Variants in PTCHD4 observed in about 807,000 individuals in gnomAD.
The protein encoded by PTCHD4 is patched domain containing 4.
In PTCHD4, 33 loss-of-function variants were observed where a neutral mutation model predicts 58.1. That is an observed-to-expected ratio of 0.57 (90% CI 0.43 to 0.76). The LOEUF (loss-of-function observed/expected upper bound fraction) is 0.76, where lower values mean the gene tolerates loss of function less well. Ranked by LOEUF, PTCHD4 falls within the 30% of genes least tolerant of loss-of-function variation. The pLI is 0.00. For missense variants in PTCHD4, 1,058 were observed against 1,027.1 expected (o/e 1.03, Z -0.41); for synonymous variants, 478 against 409.6 (o/e 1.17, Z -2.02).
chr6:48,067,615 A>C (rs1156955998), intron 3 of PTCHD4, among the ~76,000 whole-genome samples: 1 of 152,166 alleles, frequency 6.6e-6, no homozygotes, highest in Non-Finnish European at 1.5e-5. Context: ...CCACATGTTA[A>C]CAATCAAGCC....
At chr6:47,993,483 T>C (rs1768356042) in intron 4 of PTCHD4, among the ~76,000 whole-genome samples, 2 of 152,146 alleles carry the variant, frequency 1.3e-5, no homozygotes, top group South Asian at 2.1e-4. Flanking sequence ...GCCTGGCCTC[T>C]GAAAGGAGAT....
intron 4 of PTCHD4, among the ~76,000 whole-genome samples, chr6:47,937,708 G>A (rs1766054706): frequency 6.6e-6 from 1 of 152,154 alleles, no homozygotes; most frequent in Admixed American, 6.5e-5. Context: ...CCACTGCAGA[G>A]ATGAATGGAT....
In PTCHD4 at chr6:48,068,692, C is replaced by T. The variant is rs1455253023; in HGVS notation, c.6-51G>A. 5.4e-6 allele frequency: 8 copies of T among 1,484,266 alleles called. No homozygotes were observed. Among genetic ancestry groups the T allele is most frequent in the Middle Eastern group, 2.4e-4 (1 of 4,110 alleles). The allele number at this position is 1,484,266 out of a possible 1,614,324, so 91.9% of individuals were successfully genotyped here. A position where few individuals can be genotyped will look rare whatever the true frequency, so the allele number is the denominator to read the frequency against. On this transcript the variant is annotated intron_variant, in intron 2 of 4. Transcript: ENST00000339488. The surrounding 1 kb of genome is among the most constrained non-coding windows in gnomAD (Gnocchi z 4.2). ...AAGCGCCGGGCTACCCCGTTCTCCC[C>T]CATCCCACCCCCTGGGGCCAGTCCC...
chr6:47,921,958 AAAG>A (rs1242367103), intron 4 of PTCHD4, among the ~76,000 whole-genome samples: 117 of 113,780 alleles, frequency 1.0e-3, no homozygotes, highest in African/African-American at 2.7e-3. Flanking sequence ...AAAAAAAAAA[AAAG>A]AAAAGAAAAG....
At chr6:48,070,974 AT>A (rs1323811452) in intron 1 of PTCHD4, among the ~76,000 whole-genome samples, 1 of 152,212 alleles carries the variant, frequency 6.6e-6, no homozygotes, top group East Asian at 1.9e-4. Flanking sequence ...GCAGTAATAG[AT>A]TTTAGAAATG....
chr6:47,958,636 T>C (rs531694304), intron 4 of PTCHD4, among the ~76,000 whole-genome samples: 1 of 152,252 alleles, frequency 6.6e-6, no homozygotes, highest in South Asian at 2.1e-4. Context: ...ACTGGAGAAG[T>C]AGCTACAGGA....
chr6:47,962,649 C>A (rs1156714613), intron 4 of PTCHD4, among the ~76,000 whole-genome samples: 2 of 152,186 alleles, frequency 1.3e-5, no homozygotes, highest in African/African-American at 4.8e-5. Flanking sequence ...CCTTGGCCTT[C>A]CGCCATGATT....
chr6:47,961,148 C>G (rs1767075546), intron 4 of PTCHD4, among the ~76,000 whole-genome samples: 1 of 151,636 alleles, frequency 6.6e-6, no homozygotes, highest in South Asian at 2.1e-4. Flanking sequence ...AGCGTATTCT[C>G]TAAAATATGA....
chr6:48,087,752 A>G (rs1412735441), intron 1 of PTCHD4, among the ~76,000 whole-genome samples: 1 of 152,220 alleles, frequency 6.6e-6, no homozygotes, highest in Non-Finnish European at 1.5e-5. Context: ...GGAAAAAGTC[A>G]TACCTATCTA....
At chr6:47,907,628 C>T (rs1561950852) in intron 4 of PTCHD4, among the ~76,000 whole-genome samples, 1 of 152,218 alleles carries the variant, frequency 6.6e-6, no homozygotes, top group Non-Finnish European at 1.5e-5. Flanking sequence ...TGTTAAAAGT[C>T]TGCTCTCTAT....
At chr6:47,904,571 AG>A (rs1455619797) in intron 4 of PTCHD4, among the ~76,000 whole-genome samples, 1 of 152,234 alleles carries the variant, frequency 6.6e-6, no homozygotes, top group Non-Finnish European at 1.5e-5. Context: ...GGATTATAGC[AG>A]TAAAGCTATC....
At chr6:48,024,444 G>T (rs1288281655) in intron 3 of PTCHD4, among the ~76,000 whole-genome samples, 1 of 152,012 alleles carries the variant, frequency 6.6e-6, no homozygotes, top group Non-Finnish European at 1.5e-5. Context: ...GACTCTGCCT[G>T]GTAATTTTAG....
chr6:47,970,786 C>G (rs777532287), intron 4 of PTCHD4, among the ~76,000 whole-genome samples: 7 of 152,184 alleles, frequency 4.6e-5, no homozygotes, highest in Non-Finnish European at 7.3e-5. Flanking sequence ...TTGATTGTGG[C>G]CTCAGGCCCA....
chr6:47,927,455 T>C (rs528687499), intron 4 of PTCHD4, among the ~76,000 whole-genome samples: 62 of 152,268 alleles, frequency 4.1e-4, no homozygotes, highest in Non-Finnish European at 6.9e-4. Flanking sequence ...GCTTGAGCCC[T>C]TTGCCAAACA....
In PTCHD4 at chr6:47,913,295, G is replaced by A. The variant is rs143246317; in HGVS notation, c.899-33359C>T. ...CCCAGTGGGGAGCACTATAAAATGA[G>A]GTTTGCGAAATATCACTTTGCACAC... On this transcript the variant is annotated intron_variant, in intron 4 of 4. Transcript: ENST00000339488. Among the ~76,000 whole-genome samples, 230 of 152,074 alleles carry A rather than the reference G, an allele frequency of 1.5e-3. 1 individual carries two copies. Among genetic ancestry groups the A allele is most frequent in the African/African-American group, 5.4e-3 (225 of 41,520 alleles).
rs565197087 is a variant in PTCHD4, at chr6:47,873,061, A to C, written c.*5242T>G. Among the ~76,000 whole-genome samples the C allele has an allele frequency of 7.9e-5, 12 of 151,790 alleles. 1 individual carries two copies. The South Asian group carries it at 2.5e-3, about 32-fold the overall frequency. ...GCTTACTTTAAGCTTCTTTACAAAG[A>C]GTCTCCCTAGCTTTTCACTTTCACT... On this transcript the variant is annotated 3_prime_UTR_variant, in exon 5 of 5. Transcript: ENST00000339488.
chr6:48,049,656 C>T (rs780791438), intron 3 of PTCHD4, among the ~76,000 whole-genome samples: 1 of 151,954 alleles, frequency 6.6e-6, no homozygotes, highest in Non-Finnish European at 1.5e-5. Flanking sequence ...AAACTCCTAT[C>T]CATAGCAAGT....
intron 3 of PTCHD4, among the ~76,000 whole-genome samples, chr6:48,040,764 G>A (rs1339844986): frequency 6.6e-6 from 1 of 152,028 alleles, no homozygotes; most frequent in Admixed American, 6.6e-5. Flanking sequence ...TCAAGAGGCT[G>A]TTCAAGACAA....
In PTCHD4 at chr6:47,860,094, T is replaced by G. The variant is rs1763388692; in HGVS notation, c.*18209A>C. Among the ~76,000 whole-genome samples, 1 of 152,082 alleles carries G rather than the reference T, an allele frequency of 6.6e-6. No individual in the cohort carries two copies. The stretch of plus-strand genomic sequence containing the variant: ...CCTATTTGAAGCTGCATTTCCTTCT[T>G]GAAGTATTCCCCTTTAATGCCAATA... On this transcript the variant is annotated 3_prime_UTR_variant, in exon 5 of 5. Coordinates refer to ENST00000339488, the MANE Select transcript of PTCHD4 (RefSeq NM_001384253.1).
Sources: allele counts gnomAD v4.1 joint callset (sites outside exome capture counted in the v4.1 genomes callset), GRCh38; gene constraint gnomAD v4.1.1; non-coding constraint Gnocchi (gnomAD v3.1); transcripts MANE v1.5; gene names NCBI Gene and HGNC (gene_info 2026-07-23, HGNC 2026-07-21).